Variants in KLF12 observed in about 807,000 individuals in gnomAD.
KLF12 encodes the protein Krueppel-like factor 12.
KLF12 carries 9 observed loss-of-function variants against 37.8 expected under a neutral mutation model. The ratio of observed to expected loss-of-function variants is 0.24; its 90% CI spans 0.14 to 0.42. The LOEUF is 0.42. Ranked by LOEUF, KLF12 falls within the 10% of genes least tolerant of loss-of-function variation. The pLI is 1.00. For synonymous variants in KLF12, 208 were observed against 202.1 expected, an observed-to-expected ratio of 1.03 and a Z score of -0.25; for missense variants, 411 against 516.0, an observed-to-expected ratio of 0.80 and a Z score of 1.97.
At chr13:74,056,443 G>A (rs1344053862) in intron 1 of KLF12, among the ~76,000 whole-genome samples, 1 of 152,084 alleles carries the variant, frequency 6.6e-6, no homozygotes, top group African/African-American at 2.4e-5. Context: ...CACTTCATAT[G>A]GTGTGTGATG....
chr13:74,003,850 T>A (rs977728071), intron 1 of KLF12, among the ~76,000 whole-genome samples: 3 of 152,162 alleles, frequency 2.0e-5, no homozygotes, highest in African/African-American at 7.2e-5. Flanking sequence ...AATTAAATAA[T>A]TTTGAAAAAT....
At chr13:74,151,513 T>G in the KLF12 span, among the ~76,000 whole-genome samples, 2 of 151,918 alleles carry the variant, frequency 1.3e-5, no homozygotes, top group African/African-American at 4.8e-5. Context: ...ATTAGCTGGG[T>G]GTGGTGGTGC....
intron 3 of KLF12, among the ~76,000 whole-genome samples, chr13:73,855,065 C>T (rs1200818248): frequency 1.3e-5 from 2 of 152,072 alleles, no homozygotes; most frequent in Non-Finnish European, 2.9e-5. Context: ...TTTGAAAGGC[C>T]CCAGAACTTT....
intron 6 of KLF12, among the ~76,000 whole-genome samples, chr13:73,761,623 G>A (rs1879558699): frequency 6.6e-6 from 1 of 152,056 alleles, no homozygotes; most frequent in African/African-American, 2.4e-5. Context: ...TTGCTAAGAT[G>A]CTCTAAAGGT....
At chr13:73,784,454 C>T (rs930368384) in intron 5 of KLF12, among the ~76,000 whole-genome samples, 4 of 151,672 alleles carry the variant, frequency 2.6e-5, no homozygotes, top group Non-Finnish European at 4.4e-5. Flanking sequence ...CTGGCTTCTA[C>T]TTCCATAACT....
chr13:74,146,848 G>A, the KLF12 span, among the ~76,000 whole-genome samples: 2 of 152,212 alleles, frequency 1.3e-5, no homozygotes, highest in South Asian at 2.1e-4. Flanking sequence ...TTGTTTCCAA[G>A]ATAACACAGC....
intron 1 of KLF12, among the ~76,000 whole-genome samples, chr13:74,003,320 A>G (rs1892328457): frequency 6.6e-6 from 1 of 152,200 alleles, no homozygotes; most frequent in Non-Finnish European, 1.5e-5. Context: ...TCTGAATTTG[A>G]GAATAATCAT....
At chr13:74,120,981 T>C (rs1048783594) in intron 1 of KLF12, among the ~76,000 whole-genome samples, 15 of 151,676 alleles carry the variant, frequency 9.9e-5, no homozygotes, top group African/African-American at 3.1e-4. Flanking sequence ...AAGAGAAAAA[T>C]AGAAAACAAA....
rs935550775 is a variant in KLF12, at chr13:73,689,385, G to A, written c.*6105C>T. 1 of 152,064 alleles carries A rather than the reference G, an allele frequency of 6.6e-6. No individual in the cohort carries two copies. Among genetic ancestry groups the A allele is most frequent in the Non-Finnish European group, 1.5e-5 (1 of 68,020 alleles). The allele number at this position is 152,064 out of a possible 1,614,324, so 9.4% of individuals were successfully genotyped here. A position where few individuals can be genotyped will look rare whatever the true frequency, so the allele number is the denominator to read the frequency against. The stretch of plus-strand genomic sequence containing the variant: ...CCTACTTTTAAAATTGCCCTTACCC[G>A]ATGTGTGACTCTCCATGAGTATAAT... On this transcript the variant is annotated 3_prime_UTR_variant, in exon 8 of 8. Transcript: ENST00000377669.
chr13:74,135,682 A>G (rs1158669589), upstream of KLF12, among the ~76,000 whole-genome samples: 2 of 151,690 alleles, frequency 1.3e-5, no homozygotes, highest in African/African-American at 4.8e-5. Context: ...TCCGGGCACG[A>G]CAGTATTCCC....
intron 6 of KLF12, among the ~76,000 whole-genome samples, chr13:73,731,162 T>A (rs555642215): frequency 6.6e-6 from 1 of 152,186 alleles, no homozygotes; most frequent in South Asian, 2.1e-4. Flanking sequence ...GGTAACTGAT[T>A]GGATAACCGG....
intron 6 of KLF12, among the ~76,000 whole-genome samples, chr13:73,760,656 G>C (rs751673011): frequency 1.3e-5 from 2 of 152,062 alleles, no homozygotes; most frequent in African/African-American, 2.4e-5. Context: ...TATTTCCTAT[G>C]TTATCATACA....
chr13:73,771,065 T>C (rs1384457131), intron 5 of KLF12, among the ~76,000 whole-genome samples: 1 of 152,152 alleles, frequency 6.6e-6, no homozygotes, highest in Non-Finnish European at 1.5e-5. Context: ...TGACACTAGA[T>C]GTTCTCCTCT....
chr13:73,901,962 A>T lies in KLF12; in HGVS notation c.123+42019T>A, dbSNP rs374386565. Reference sequence around the variant, plus strand: ...GCATACAAATGGCTTAAAACTACAAATTCATTTTACATAGCCATAAATACT... The same window carrying T: ...GCATACAAATGGCTTAAAACTACAATTTCATTTTACATAGCCATAAATACT... On this transcript the variant is annotated intron_variant, in intron 3 of 7. Transcript: ENST00000377669. Among the ~76,000 whole-genome samples, 502 of 152,300 alleles carry T rather than the reference A, an allele frequency of 3.3e-3. 4 individuals carry two copies. Among genetic ancestry groups the T allele is most frequent in the African/African-American group, 0.012 (483 of 41,574 alleles).
intron 1 of KLF12, among the ~76,000 whole-genome samples, chr13:74,045,754 A>G (rs916511487): frequency 1.8e-4 from 28 of 152,066 alleles, no homozygotes; most frequent in Admixed American, 1.5e-3. Context: ...AGCTGTGCCC[A>G]TTAGGGAAGC....
the KLF12 span, among the ~76,000 whole-genome samples, chr13:74,247,664 G>A: frequency 2.0e-5 from 3 of 151,846 alleles, no homozygotes; most frequent in Non-Finnish European, 2.9e-5. Flanking sequence ...AGAGGCTGGG[G>A]TCTCACTATT....
At chr13:73,772,775 AGAGGGTGGTCT>A (rs780288106) in intron 5 of KLF12, among the ~76,000 whole-genome samples, 14 of 152,200 alleles carry the variant, frequency 9.2e-5, no homozygotes, top group Admixed American at 3.3e-4. Context: ...GCAGCAGTAC[AGAGGGTGGTCT>A]GAGGGGAATG....
intron 1 of KLF12, among the ~76,000 whole-genome samples, chr13:74,125,688 T>C (rs1327623694): frequency 6.6e-6 from 1 of 152,230 alleles, no homozygotes; most frequent in Non-Finnish European, 1.5e-5. Context: ...TAAGGTATCA[T>C]AATTTGTTTT....
At chr13:74,033,533 T>C (rs1177740721) in intron 1 of KLF12, among the ~76,000 whole-genome samples, 4 of 152,242 alleles carry the variant, frequency 2.6e-5, no homozygotes, top group African/African-American at 9.6e-5. Context: ...CATGTTACTA[T>C]AGATCCTTGA....
Sources: gnomAD v4.1 joint callset for allele counts (sites outside exome capture counted in the v4.1 genomes callset) on GRCh38, gnomAD v4.1.1 for gene constraint, MANE v1.5 for transcripts, NCBI Gene and HGNC (gene_info 2026-07-23, HGNC 2026-07-21) for gene names.